The following LTF variants were observed in gnomAD, a reference collection of about 807,000 sequenced individuals.
The protein encoded by LTF is epididymis luminal protein 110.
In LTF, 91 loss-of-function variants were observed where a neutral mutation model predicts 87.2. That is an observed-to-expected ratio of 1.04 (90% CI 0.88 to 1.24). The LOEUF (loss-of-function observed/expected upper bound fraction) is 1.24. Ranked by LOEUF, LTF falls within the 50% of genes most tolerant of loss-of-function variation. The pLI is 0.00. For missense variants in LTF, 901 were observed against 904.3 expected (o/e 1.00, Z 0.05); for synonymous variants, 378 against 356.1 (o/e 1.06, Z -0.69).
chr3:46,442,042 GTGA>G (rs1702536432), intron 13 of LTF: 4 of 150,242 alleles, frequency 2.7e-5, no homozygotes, highest in Non-Finnish European at 5.9e-5. Flanking sequence ...GGATGAGATA[GTGA>G]TGTGTTTTTT....
At chr3:46,443,018 G>A (rs916238974) in intron 13 of LTF, among the ~76,000 whole-genome samples, 1 of 152,156 alleles carries the variant, frequency 6.6e-6, no homozygotes, top group Non-Finnish European at 1.5e-5. Flanking sequence ...CATTTCTAAG[G>A]CCAAAGTCAG....
intron 2 of LTF, among the ~76,000 whole-genome samples, chr3:46,458,151 CA>C (rs753580257): frequency 1.1e-3 from 160 of 152,192 alleles, no homozygotes; most frequent in Middle Eastern, 0.01. Context: ...TCATTCATTC[CA>C]GTCCTTTCTA....
intron 1 of LTF, among the ~76,000 whole-genome samples, chr3:46,480,456 T>C (rs1703417853): frequency 6.6e-6 from 1 of 152,180 alleles, no homozygotes. Flanking sequence ...CCTGCCACTC[T>C]CCTGCCTTAT....
chr3:46,467,929 C>T (rs993637634), upstream of LTF, among the ~76,000 whole-genome samples: 2 of 152,144 alleles, frequency 1.3e-5, no homozygotes, highest in African/African-American at 4.8e-5. Context: ...GTCCTGAAGG[C>T]GCCTAAATTT....
intron 1 of LTF, among the ~76,000 whole-genome samples, chr3:46,474,214 C>T (rs1703328725): frequency 3.3e-5 from 5 of 151,898 alleles, no homozygotes; most frequent in Admixed American, 3.3e-4. Flanking sequence ...CCACAAGAAA[C>T]TCATTAGAAA....
At chr3:46,475,814 A>T (rs1703353780) in intron 1 of LTF, among the ~76,000 whole-genome samples, 1 of 152,234 alleles carries the variant, frequency 6.6e-6, no homozygotes, top group Non-Finnish European at 1.5e-5. Flanking sequence ...AACTGCTAAC[A>T]TTCAAAAACC....
chr3:46,477,404 G>A (rs751210823), intron 1 of LTF, among the ~76,000 whole-genome samples: 33 of 152,158 alleles, frequency 2.2e-4, no homozygotes, highest in Non-Finnish European at 3.7e-4. Flanking sequence ...CATTCTAGGC[G>A]ACTCCCTTGT....
At chr3:46,447,050 A>G (rs1347903137) in intron 10 of LTF, among the ~76,000 whole-genome samples, 1 of 152,148 alleles carries the variant, frequency 6.6e-6, no homozygotes, top group African/African-American at 2.4e-5. Flanking sequence ...ATTTATGTGC[A>G]CTTTTCTGTT....
At position 46,459,776 on chromosome 3, in the gene LTF, G is replaced by A. The variant is rs748385046; in HGVS notation, c.87C>T (p.Ala29=). The A allele has an allele frequency of 1.7e-5, 26 of 1,486,788 alleles. No homozygotes were observed. Among genetic ancestry groups the A allele is most frequent in the African/African-American group, 2.4e-5 (1 of 41,956 alleles). The allele number at this position is 1,486,788 out of a possible 1,614,324, so 92.1% of individuals were successfully genotyped here. A position where few individuals can be genotyped will look rare whatever the true frequency, so the allele number is the denominator to read the frequency against. Residue 29 remains alanine, a synonymous_variant, in exon 2 of 17, where the codon GCC becomes GCT. Transcript: ENST00000231751. ...AGRRRSVQWC[A]VSQPEATKCF... is the part of the protein sequence containing the mutation. Reference sequence around the variant, plus strand: ...ATTTTGTGGCCTCGGGTTGGGATACGGCGCACCACTGAACACTCCTCCTAC... The same window carrying A: ...ATTTTGTGGCCTCGGGTTGGGATACAGCGCACCACTGAACACTCCTCCTAC...
At position 46,450,627 on chromosome 3, in the gene LTF, G is replaced by A; in HGVS notation, c.750C>T (p.Cys250=). 1 of 1,614,168 alleles carries A rather than the reference G, an allele frequency of 6.2e-7. No individual in the cohort carries two copies. The highest frequency in any genetic ancestry group is 8.5e-7 in the Non-Finnish European group (1 of 1,180,016). ...CCACTGGCTTCCGAGTGTTGTCTGG[G>A]CAGAGTAACTCATACTCGTCCCTTT... ...EAERDEYELL[C]PDNTRKPVDK... Residue 250 remains cysteine (C), a synonymous_variant, in exon 7 of 17, where the codon TGC becomes TGT. Coordinates refer to ENST00000231751, the MANE Select transcript of LTF (RefSeq NM_002343.6).
chr3:46,452,122 C>CA (rs1178977496), intron 6 of LTF, among the ~76,000 whole-genome samples: 2 of 152,028 alleles, frequency 1.3e-5, no homozygotes, highest in Admixed American at 6.6e-5. Context: ...TCGTCATCTA[C>CA]AAAAAACCAA....
upstream of LTF, among the ~76,000 whole-genome samples, chr3:46,469,079 A>G (rs1703250759): frequency 6.6e-6 from 1 of 152,248 alleles, no homozygotes; most frequent in African/African-American, 2.4e-5. Flanking sequence ...TATTTGGATG[A>G]CATTTTAAAA....
At chr3:46,454,595 A>G (rs1702880564) in intron 5 of LTF, among the ~76,000 whole-genome samples, 2 of 152,214 alleles carry the variant, frequency 1.3e-5, no homozygotes, top group South Asian at 4.1e-4. Flanking sequence ...TAAGAGGACA[A>G]AACTTTTTTC....
At chr3:46,454,185 CTGTAGGAATCTTG>C in intron 6 of LTF, 107 bp downstream of exon 6, 1 of 863,624 alleles carries the variant, frequency 1.2e-6, no homozygotes, top group Non-Finnish European at 2.0e-6. Context: ...GAGCTGTGCC[CTGTAGGAATCTTG>C]AAAATGGTCT....
At chr3:46,457,346 T>C (rs548930620) in intron 2 of LTF, among the ~76,000 whole-genome samples, 1 of 152,364 alleles carries the variant, frequency 6.6e-6, no homozygotes, top group East Asian at 1.9e-4. Flanking sequence ...TCCCCCAATG[T>C]TTAGCATTTA....
intron 1 of LTF, chr3:46,460,652 T>A: frequency 2.2e-6 from 1 of 451,712 alleles, no homozygotes; most frequent in Non-Finnish European, 4.4e-6. Flanking sequence ...CCACCTAAGA[T>A]CAGGAATGAT....
chr3:46,448,173 G>A lies in LTF; in HGVS notation c.1212+690C>T, dbSNP rs138622890. ...GAGCCCAGGAGTTCGAGACGAGCCT[G>A]GGCAACAAAGCGAGACCCTGTCGCT... On this transcript the variant is annotated intron_variant, in intron 9 of 16. Transcript: ENST00000231751. Among the ~76,000 whole-genome samples, 518 of 152,182 alleles carry A rather than the reference G, an allele frequency of 3.4e-3. 14 individuals carry two copies. The highest frequency in any genetic ancestry group is 0.024 in the Admixed American group (364 of 15,278).
At chr3:46,446,905 G>A (rs1450426443) in intron 10 of LTF, among the ~76,000 whole-genome samples, 1 of 152,184 alleles carries the variant, frequency 6.6e-6, no homozygotes, top group Non-Finnish European at 1.5e-5. Context: ...GACCTTAGAA[G>A]CCAGGAGAGA....
intron 1 of LTF, among the ~76,000 whole-genome samples, chr3:46,480,937 A>T (rs1703423487): frequency 6.6e-6 from 1 of 152,140 alleles, no homozygotes; most frequent in Non-Finnish European, 1.5e-5. Context: ...CATAAAAGAC[A>T]GCAGCCCTGG....
Sources: gnomAD v4.1 joint callset for allele counts (sites outside exome capture counted in the v4.1 genomes callset) on GRCh38, gnomAD v4.1.1 for gene constraint, MANE v1.5 for transcripts, NCBI Gene and HGNC (gene_info 2026-07-23, HGNC 2026-07-21) for gene names.